Variants in RFX7 observed in about 807,000 individuals in gnomAD.
The protein encoded by RFX7 is DNA-binding protein RFX7.
A neutral mutation model predicts 111.8 loss-of-function variants in RFX7; 26 were observed. The observed-to-expected ratio is 0.23, with a 90% CI of 0.17 to 0.32. The LOEUF (loss-of-function observed/expected upper bound fraction) is 0.32. Ranked by LOEUF, RFX7 falls within the 10% of genes least tolerant of loss-of-function variation. The pLI is 1.00. For synonymous variants in RFX7, 624 were observed against 624.4 expected, an observed-to-expected ratio of 1.00 and a Z score of 0.01; for missense variants, 1,573 against 1,772.9, an observed-to-expected ratio of 0.89 and a Z score of 2.02.
rs1278804877 is a variant in RFX7, at chr15:56,225,144, C to A, written c.161+17981G>T. Among the ~76,000 whole-genome samples the A allele has an allele frequency of 2.0e-5, 3 of 152,116 alleles. No homozygotes were observed. The South Asian group carries it at 6.2e-4, about 32-fold the overall frequency. On this transcript the variant is annotated intron_variant, in intron 2 of 9. Transcript: ENST00000559447. ...AACTCAAGGGATGAACAACTGTAGT[C>A]CAAAACAGCCAAAATATGCAGGTCT...
chr15:56,096,467 C>A lies in RFX7; in HGVS notation c.1261G>T (p.Gly421Trp). ...TAACGGTGCCGGGCAGAACGATCCCCACCAGGACTGGCTGGAACGTTCTGG... is the reference window on the plus strand; with the variant it reads ...TAACGGTGCCGGGCAGAACGATCCCAACCAGGACTGGCTGGAACGTTCTGG... Reference protein sequence around the residue: ...TPQNVPASPGGDRSARHRYPQ... With the variant: ...TPQNVPASPGWDRSARHRYPQ... Residue 421 changes from glycine (G) to tryptophan (W), a missense_variant, in exon 10 of 10, where the codon GGG becomes TGG. By Grantham distance (184) the Gly-to-Trp change is radical (BLOSUM62 -2). Transcript: ENST00000559447. The A allele has an allele frequency of 6.2e-7, 1 of 1,611,856 alleles. No homozygotes were observed. The highest frequency in any genetic ancestry group is 8.5e-7 in the Non-Finnish European group (1 of 1,178,898).
At chr15:56,190,008 T>C (rs2043084284) in intron 2 of RFX7, 1 of 152,146 alleles carries the variant, frequency 6.6e-6, no homozygotes, top group Non-Finnish European at 1.5e-5. Context: ...TACTCAGCAA[T>C]TAAAAGTAAC....
At chr15:56,214,670 G>T (rs997228160) in intron 2 of RFX7, among the ~76,000 whole-genome samples, 1 of 145,270 alleles carries the variant, frequency 6.9e-6, no homozygotes, top group Admixed American at 7.1e-5. Context: ...AGCTGAGATC[G>T]CACCACTGCA....
In RFX7 at chr15:56,087,489, C is replaced by A; in HGVS notation, c.*5856G>T. 2.2e-6 allele frequency: 1 copy of A among 456,660 alleles called. No individual in the cohort carries two copies. Among genetic ancestry groups the A allele is most frequent in the South Asian group, 1.5e-5 (1 of 64,564 alleles). The allele number at this position is 456,660 out of a possible 1,614,324, so 28.3% of individuals were successfully genotyped here. ...GCCATCACATTTGCATTCCAGCCAGCAGAGAGGAAGGACAAGAACACTGCA... is the reference window on the plus strand; with the variant it reads ...GCCATCACATTTGCATTCCAGCCAGAAGAGAGGAAGGACAAGAACACTGCA... On this transcript the variant is annotated 3_prime_UTR_variant, in exon 10 of 10. Coordinates refer to ENST00000559447, the MANE Select transcript of RFX7 (RefSeq NM_022841.7).
intron 3 of RFX7, among the ~76,000 whole-genome samples, chr15:56,167,153 AT>A (rs1476436389): frequency 6.6e-6 from 1 of 151,520 alleles, no homozygotes; most frequent in South Asian, 2.1e-4. Flanking sequence ...AAAAAACAAA[AT>A]TTTTTTTGCC....
At chr15:56,221,319 G>A (rs1382500940) in intron 2 of RFX7, among the ~76,000 whole-genome samples, 2 of 152,174 alleles carry the variant, frequency 1.3e-5, no homozygotes, top group African/African-American at 4.8e-5. Flanking sequence ...AGCATGGAAT[G>A]TGTTTTTCCA....
chr15:56,152,697 A>G (rs2042590126), intron 3 of RFX7, among the ~76,000 whole-genome samples: 1 of 152,070 alleles, frequency 6.6e-6, no homozygotes, highest in African/African-American at 2.4e-5. Context: ...TGAAATAACT[A>G]AGATCAGAGC....
chr15:56,155,717 AC>A (rs1457980663), intron 3 of RFX7, among the ~76,000 whole-genome samples: 4 of 152,218 alleles, frequency 2.6e-5, no homozygotes, highest in Admixed American at 2.6e-4. Context: ...TACCTATGTA[AC>A]AAAACTGCAC....
intron 2 of RFX7, among the ~76,000 whole-genome samples, chr15:56,209,677 C>A (rs1431497955): frequency 6.6e-6 from 1 of 151,892 alleles, no homozygotes. Context: ...AAACCAGAGG[C>A]AGGAATTAGG....
At chr15:56,223,611 T>C (rs543741274) in intron 2 of RFX7, among the ~76,000 whole-genome samples, 3 of 152,334 alleles carry the variant, frequency 2.0e-5, no homozygotes, top group African/African-American at 7.2e-5. Context: ...AATTTTTATA[T>C]ACTTTTAAAG....
chr15:56,138,489 T>C (rs1395162190), intron 5 of RFX7, among the ~76,000 whole-genome samples: 3 of 149,748 alleles, frequency 2.0e-5, no homozygotes, highest in South Asian at 4.5e-4. Context: ...TCCATCCTTT[T>C]ATTTTGAGCC....
intron 8 of RFX7, among the ~76,000 whole-genome samples, chr15:56,100,079 A>G (rs1442640): frequency 0.4 from 60,337 of 152,084 alleles, 12,127 homozygotes; most frequent in African/African-American, 0.43. Flanking sequence ...ATTTTACTAT[A>G]TGACATTATG....
At chr15:56,109,508 T>C (rs1595930584) in intron 5 of RFX7, among the ~76,000 whole-genome samples, 2 of 148,654 alleles carry the variant, frequency 1.3e-5, no homozygotes, top group African/African-American at 2.5e-5. Flanking sequence ...TGGCCGCCCA[T>C]CGTCTGGGAT....
At chr15:56,156,119 A>G (rs2042649452) in intron 3 of RFX7, among the ~76,000 whole-genome samples, 2 of 152,076 alleles carry the variant, frequency 1.3e-5, no homozygotes, top group Admixed American at 6.5e-5. Flanking sequence ...CTTATCTTCA[A>G]TTAATCTGCA....
chr15:56,211,971 A>G (rs2043317065), intron 2 of RFX7, among the ~76,000 whole-genome samples: 1 of 152,144 alleles, frequency 6.6e-6, no homozygotes, highest in African/African-American at 2.4e-5. Flanking sequence ...CACAAAACTA[A>G]ATAGATTCCT....
chr15:56,161,877 T>C (rs2042724068), intron 3 of RFX7, among the ~76,000 whole-genome samples: 1 of 152,054 alleles, frequency 6.6e-6, no homozygotes, highest in Non-Finnish European at 1.5e-5. Context: ...TGAAATAGAA[T>C]TCAAATGAGA....
Position 56,236,706 on chromosome 15 carries a change from AAT to A in RFX7, c.161+6417_161+6418del, listed in dbSNP as rs751686984. On this transcript the variant is annotated intron_variant, in intron 2 of 9. Transcript: ENST00000559447. Reference sequence around the variant, plus strand: ...TTCTTATTTATATAATTGAATCTACAATATGACATTCACTGCCTTAAAATATT... The same window carrying A: ...TTCTTATTTATATAATTGAATCTACAATGACATTCACTGCCTTAAAATATT... Among the ~76,000 whole-genome samples the A allele has an allele frequency of 2.1e-3, 324 of 152,324 alleles. 4 individuals are homozygous for A. Among genetic ancestry groups the A allele is most frequent in the Non-Finnish European group, 1.6e-3 (107 of 68,012 alleles).
In RFX7 at chr15:56,186,417, C is replaced by A. The variant is rs140751455; in HGVS notation, c.162-7114G>T. Among the ~76,000 whole-genome samples, 404 of 152,248 alleles carry A rather than the reference C, an allele frequency of 2.7e-3. 1 individual carries two copies. Among genetic ancestry groups the A allele is most frequent in the African/African-American group, 9.4e-3 (390 of 41,558 alleles). On this transcript the variant is annotated intron_variant, in intron 2 of 9. Coordinates refer to ENST00000559447, the MANE Select transcript of RFX7 (RefSeq NM_022841.7). Reference sequence around the variant, plus strand: ...TACGACCTTTCTTAAGTAAGCTCCCCTGATTCCTTGTTACTAGCACCTATG... The same window carrying A: ...TACGACCTTTCTTAAGTAAGCTCCCATGATTCCTTGTTACTAGCACCTATG...
At chr15:56,187,905 A>G (rs1348125923) in intron 2 of RFX7, among the ~76,000 whole-genome samples, 2 of 152,226 alleles carry the variant, frequency 1.3e-5, no homozygotes, top group Non-Finnish European at 2.9e-5. Context: ...AATGCCCATT[A>G]CACAAGCAAA....
Sources: gnomAD v4.1 joint callset for allele counts (sites outside exome capture counted in the v4.1 genomes callset) on GRCh38, gnomAD v4.1.1 for gene constraint, MANE v1.5 for transcripts, NCBI Gene and HGNC (gene_info 2026-07-23, HGNC 2026-07-21) for gene names.